Variants in IL23R observed in about 807,000 individuals in gnomAD.
IL23R encodes interleukin 23 receptor.
IL23R carries 34 observed loss-of-function variants against 56.9 expected under a neutral mutation model. That is an observed-to-expected ratio of 0.60 (90% CI 0.45 to 0.80). The LOEUF is 0.80. Among genes scored for constraint, IL23R ranks in the 30% least tolerant of loss-of-function variants. The pLI is 0.00. For missense variants in IL23R, 635 were observed against 730.0 expected, an observed-to-expected ratio of 0.87 and a Z score of 1.50; for synonymous variants, 230 against 249.2, an observed-to-expected ratio of 0.92 and a Z score of 0.73.
At chr1:67,199,763 T>C (rs978734591) in intron 4 of IL23R, among the ~76,000 whole-genome samples, 2 of 152,180 alleles carry the variant, frequency 1.3e-5, no homozygotes, top group Non-Finnish European at 2.9e-5. Flanking sequence ...TCAGGGCCCA[T>C]TGAAATCATA....
chr1:67,174,405 A>G (rs1462157102), intron 3 of IL23R, among the ~76,000 whole-genome samples: 1 of 151,536 alleles, frequency 6.6e-6, no homozygotes, highest in African/African-American at 2.4e-5. Context: ...AATTTTTAAT[A>G]TATTTGTTTA....
At chr1:67,180,123 G>T (rs9681329) in intron 3 of IL23R, among the ~76,000 whole-genome samples, 3,207 of 152,274 alleles carry the variant, frequency 0.021, 102 homozygotes, top group African/African-American at 0.073. Flanking sequence ...TTCTGTAGAT[G>T]TCTATTAGGT....
intron 10 of IL23R, among the ~76,000 whole-genome samples, chr1:67,257,763 G>T (rs988167072): frequency 6.6e-6 from 1 of 152,162 alleles, no homozygotes; most frequent in Non-Finnish European, 1.5e-5. Flanking sequence ...GAGTGCAGTG[G>T]CATGATCTCA....
chr1:67,226,379 C>T (rs74082814), intron 7 of IL23R, among the ~76,000 whole-genome samples: 15 of 152,084 alleles, frequency 9.9e-5, no homozygotes, highest in African/African-American at 2.4e-4. Flanking sequence ...TGGCTCTTAG[C>T]GGGATAGATA....
chr1:67,209,781 C>G (rs1451477454), intron 6 of IL23R, among the ~76,000 whole-genome samples: 8 of 152,208 alleles, frequency 5.3e-5, no homozygotes, highest in African/African-American at 1.7e-4. Flanking sequence ...AGGAAAACCA[C>G]TCTAGCTTTA....
At chr1:67,229,545 C>A (rs1478813539) in intron 7 of IL23R, among the ~76,000 whole-genome samples, 1 of 152,184 alleles carries the variant, frequency 6.6e-6, no homozygotes, top group Non-Finnish European at 1.5e-5. Flanking sequence ...TTCATCCCCT[C>A]TCCCCTCTGG....
At chr1:67,183,197 A>G (rs1647179907) in intron 4 of IL23R, among the ~76,000 whole-genome samples, 1 of 152,184 alleles carries the variant, frequency 6.6e-6, no homozygotes, top group Non-Finnish European at 1.5e-5. Context: ...TTAGTAGGTA[A>G]CTGGTAGCAG....
chr1:67,158,192 G>C (rs1256870283), intron 1 of IL23R, among the ~76,000 whole-genome samples: 1 of 151,884 alleles, frequency 6.6e-6, no homozygotes, highest in African/African-American at 2.4e-5. Flanking sequence ...CTCCATCCTG[G>C]GCAACAGAGC....
chr1:67,155,252 C>A (rs1646761722), intron 1 of IL23R, among the ~76,000 whole-genome samples: 1 of 152,108 alleles, frequency 6.6e-6, no homozygotes, highest in African/African-American at 2.4e-5. Flanking sequence ...CTTGGAGAAT[C>A]TGATGATTAT....
At chr1:67,164,623 C>G (rs1646853968), upstream of IL23R, among the ~76,000 whole-genome samples, 1 of 124,874 alleles carries the variant, frequency 8.0e-6, no homozygotes, top group Non-Finnish European at 1.7e-5. Context: ...CAGAGCAAAA[C>G]TCTGTCACAA....
rs182920472 is a variant in IL23R, at chr1:67,220,927, G to A, written c.955+1197G>A. ...TGAGGCAGGAGGATCACTTGAACCT[G>A]GGAGGTCGAGAATGCAGTGAGCCAC... On this transcript the variant is annotated intron_variant, in intron 7 of 10. Coordinates refer to ENST00000347310, the MANE Select transcript of IL23R (RefSeq NM_144701.3). Among the ~76,000 whole-genome samples the A allele has an allele frequency of 9.7e-4, 147 of 152,288 alleles. 1 individual carries two copies. Among genetic ancestry groups the A allele is most frequent in the African/African-American group, 3.3e-3 (137 of 41,556 alleles).
chr1:67,257,367 G>A (rs1245541008), intron 10 of IL23R, among the ~76,000 whole-genome samples: 3 of 152,114 alleles, frequency 2.0e-5, no homozygotes, highest in Non-Finnish European at 1.5e-5. Context: ...ACATGGCAGA[G>A]GAAGAGATCA....
chr1:67,259,181 G>A lies in IL23R; in HGVS notation c.*53G>A. The A allele has an allele frequency of 6.4e-7, 1 of 1,564,168 alleles. No individual in the cohort carries two copies. Among genetic ancestry groups the A allele is most frequent in the South Asian group, 1.1e-5 (1 of 89,054 alleles). ...AAGCTGCCTTGCAATCTGAACTTGG[G>A]TTTTCCCTGCAATAGAAATTGAATT... On this transcript the variant is annotated 3_prime_UTR_variant, in exon 11 of 11. Coordinates refer to ENST00000347310, the MANE Select transcript of IL23R (RefSeq NM_144701.3).
rs764670238 is a variant in IL23R at position 67,258,642 on chromosome 1, A to G, written c.1404A>G (p.Leu468=). 5 of 1,613,992 alleles carry G rather than the reference A, an allele frequency of 3.1e-6. No homozygotes were observed. Among genetic ancestry groups the G allele is most frequent in the African/African-American group, 1.3e-5 (1 of 75,044 alleles). ...LETRDYPQNS[L]FDNTTVVYIP... is the part of the protein sequence containing the mutation. ...CAAGAGACTACCCGCAAAACTCGCT[A>G]TTCGACAATACTACAGTTGTATATA... Residue 468 remains leucine, a synonymous_variant, in exon 11 of 11, where the codon CTA becomes CTG. Coordinates refer to ENST00000347310, the MANE Select transcript of IL23R (RefSeq NM_144701.3).
intron 2 of IL23R, 22 bp downstream of exon 2, chr1:67,168,212 T>C: frequency 6.6e-7 from 1 of 1,509,162 alleles, no homozygotes; most frequent in Non-Finnish European, 9.2e-7. Context: ...TATGTATCTA[T>C]TGCTATCTTT....
downstream of IL23R, among the ~76,000 whole-genome samples, chr1:67,261,432 A>G (rs74082837): frequency 0.046 from 6,687 of 144,030 alleles, 517 homozygotes; most frequent in African/African-American, 0.16. Context: ...GTATCCCCTG[A>G]TACTTTTACA....
intron 9 of IL23R, among the ~76,000 whole-genome samples, chr1:67,247,150 TC>T (rs1211098479): frequency 1.3e-5 from 2 of 152,070 alleles, no homozygotes; most frequent in African/African-American, 4.8e-5. Context: ...CTTTTTTTTT[TC>T]TTTCCATTTT....
At chr1:67,228,363 C>CTTTT (rs78083258) in intron 7 of IL23R, among the ~76,000 whole-genome samples, 1 of 105,792 alleles carries the variant, frequency 9.5e-6, no homozygotes, top group African/African-American at 3.4e-5. Flanking sequence ...TTTTTTCTTC[C>CTTTT]TTTTTTTTTT....
At chr1:67,176,630 T>A (rs1169540492) in intron 3 of IL23R, among the ~76,000 whole-genome samples, 1 of 152,162 alleles carries the variant, frequency 6.6e-6, no homozygotes, top group African/African-American at 2.4e-5. Context: ...TTTTTATTTA[T>A]CTATTTAATT....
Sources: allele counts gnomAD v4.1 joint callset (sites outside exome capture counted in the v4.1 genomes callset), GRCh38; gene constraint gnomAD v4.1.1; transcripts MANE v1.5; gene names NCBI Gene and HGNC (gene_info 2026-07-23, HGNC 2026-07-21).